FGF12: variants seen among roughly 807,000 people sequenced by gnomAD.
FGF12 encodes fibroblast growth factor 12B.
A neutral mutation model predicts 23.6 loss-of-function variants in FGF12; 14 were observed. That is an observed-to-expected ratio of 0.59 (90% CI 0.39 to 0.93). The LOEUF (loss-of-function observed/expected upper bound fraction) is 0.93, where lower values mean the gene tolerates loss of function less well. FGF12 is among the 40% of genes least tolerant of loss of function. The pLI is 0.00. For synonymous variants in FGF12, 62 were observed against 77.3 expected (o/e 0.80, Z 1.04); for missense variants, 175 against 217.8 (o/e 0.80, Z 1.24).
chr3:192,193,385 T>C (rs143885709), intron 4 of FGF12, among the ~76,000 whole-genome samples: 1 of 152,164 alleles, frequency 6.6e-6, no homozygotes, highest in South Asian at 2.1e-4. Context: ...ACTCCAACAC[T>C]GGACTGCACA....
At chr3:192,303,475 T>C (rs1577335385) in intron 4 of FGF12, among the ~76,000 whole-genome samples, 1 of 152,174 alleles carries the variant, frequency 6.6e-6, no homozygotes, top group Non-Finnish European at 1.5e-5. Context: ...TCCTTGCTGT[T>C]AAGTGCAATG....
chr3:192,628,670 A>C (rs1034797186), intron 2 of FGF12, among the ~76,000 whole-genome samples: 6 of 149,982 alleles, frequency 4.0e-5, no homozygotes, highest in Non-Finnish European at 8.9e-5. Context: ...AAATATATAC[A>C]TTAAAAAAGT....
chr3:192,398,406 G>C (rs1239048381), intron 2 of FGF12, among the ~76,000 whole-genome samples: 1 of 144,282 alleles, frequency 6.9e-6, no homozygotes, highest in Non-Finnish European at 1.5e-5. Flanking sequence ...TTTTTTCTGA[G>C]ACAGAGTCTT....
intron 5 of FGF12, among the ~76,000 whole-genome samples, chr3:192,166,612 T>A (rs749616394): frequency 6.6e-6 from 1 of 152,218 alleles, no homozygotes; most frequent in South Asian, 2.1e-4. Context: ...CTGTGTTTCA[T>A]TTTTCACATT....
intron 2 of FGF12, among the ~76,000 whole-genome samples, chr3:192,432,058 G>A (rs1415965486): frequency 6.6e-6 from 1 of 152,144 alleles, no homozygotes; most frequent in Admixed American, 6.6e-5. Context: ...GATCAGGTCT[G>A]CTTACCTGTG....
intron 4 of FGF12, among the ~76,000 whole-genome samples, chr3:192,232,428 T>C (rs1719069479): frequency 6.6e-6 from 1 of 152,182 alleles, no homozygotes; most frequent in South Asian, 2.1e-4. Flanking sequence ...ATGCACAATA[T>C]CAGGAAAGAG....
chr3:192,412,123 T>A (rs889010827), intron 2 of FGF12, among the ~76,000 whole-genome samples: 1 of 152,232 alleles, frequency 6.6e-6, no homozygotes, highest in Non-Finnish European at 1.5e-5. Context: ...GTTTAATGTA[T>A]GTTTGCAACA....
At chr3:192,474,809 C>T (rs1198803679) in intron 2 of FGF12, among the ~76,000 whole-genome samples, 2 of 149,892 alleles carry the variant, frequency 1.3e-5, no homozygotes, top group South Asian at 2.1e-4. Context: ...TGCTTGAACC[C>T]GGGAGGTAGA....
At chr3:192,630,215 C>T in intron 2 of FGF12, among the ~76,000 whole-genome samples, 1 of 152,130 alleles carries the variant, frequency 6.6e-6, no homozygotes, top group Admixed American at 6.5e-5. Context: ...TGTAAGTTTC[C>T]TGGGGCCTCC....
At position 192,345,424 on chromosome 3, in the gene FGF12, ACGCC is replaced by A. The variant is rs1297569305; in HGVS notation, c.125-9964_125-9961del. 1.6e-4 allele frequency among the ~76,000 whole-genome samples: 7 copies of A among 42,838 alleles called. 1 individual carries two copies. Among genetic ancestry groups the A allele is most frequent in the East Asian group, 7.8e-3 (1 of 128 alleles). The allele number at this position is 42,838 out of a possible 152,430, so 28.1% of individuals were successfully genotyped here. On this transcript the variant is annotated intron_variant, in intron 3 of 5. Coordinates refer to ENST00000445105, the MANE Select transcript of FGF12 (RefSeq NM_004113.6). Reference sequence around the variant, plus strand: ...TAACATAGGCCGGGCGCGGTGGCTCACGCCTGTAATCCCAGCACTTTGGGAGGCC... The same window carrying A: ...TAACATAGGCCGGGCGCGGTGGCTCATGTAATCCCAGCACTTTGGGAGGCC...
intron 2 of FGF12, among the ~76,000 whole-genome samples, chr3:192,511,723 GA>G (rs1257120496): frequency 6.6e-6 from 1 of 151,522 alleles, no homozygotes; most frequent in East Asian, 1.9e-4. Flanking sequence ...TTGAGAAATG[GA>G]AAAAAAAGAA....
At chr3:192,401,198 A>C (rs1383547128) in intron 2 of FGF12, among the ~76,000 whole-genome samples, 2 of 152,368 alleles carry the variant, frequency 1.3e-5, no homozygotes, top group East Asian at 3.9e-4. Flanking sequence ...AATCTTTTTA[A>C]TGTCTAGCTT....
chr3:192,662,323 T>G (rs1271349588), intron 2 of FGF12, among the ~76,000 whole-genome samples: 1 of 152,248 alleles, frequency 6.6e-6, no homozygotes, highest in Non-Finnish European at 1.5e-5. Context: ...TGTATTAGCT[T>G]ATTTCCACCA....
rs567389555 is a variant in FGF12, at chr3:192,362,376, A to C, written c.14-1838T>G. Among the ~76,000 whole-genome samples the C allele has an allele frequency of 1.6e-4, 24 of 152,180 alleles. No individual in the cohort carries two copies. In the East Asian group the frequency reaches 4.4e-3, roughly 28 times the overall value. On this transcript the variant is annotated intron_variant, in intron 2 of 5. Coordinates refer to ENST00000445105, the MANE Select transcript of FGF12 (RefSeq NM_004113.6). ...TACATTAGGTATTTCTCCTAATGCTATCCCTCCCCCACCCCTCCACCCCAC... is the reference window on the plus strand; with the variant it reads ...TACATTAGGTATTTCTCCTAATGCTCTCCCTCCCCCACCCCTCCACCCCAC...
chr3:192,493,896 G>C (rs28636751), intron 2 of FGF12, among the ~76,000 whole-genome samples: 40,988 of 151,930 alleles, frequency 0.27, 6,944 homozygotes, highest in Middle Eastern at 0.43. Context: ...TTTGGATGGG[G>C]ACACAGATCC....
intron 4 of FGF12, among the ~76,000 whole-genome samples, chr3:192,300,784 A>AG (rs1715305686): frequency 6.6e-6 from 1 of 152,074 alleles, no homozygotes; most frequent in Non-Finnish European, 1.5e-5. Context: ...TGGGAGGCCA[A>AG]GGGGGGCTGA....
intron 4 of FGF12, among the ~76,000 whole-genome samples, chr3:192,314,982 C>T (rs79111256): frequency 0.037 from 5,702 of 152,232 alleles, 341 homozygotes; most frequent in African/African-American, 0.13. Flanking sequence ...TCTGGATGAA[C>T]CAGGACATAG....
intron 2 of FGF12, among the ~76,000 whole-genome samples, chr3:192,691,582 A>C (rs973109774): frequency 6.6e-6 from 1 of 152,060 alleles, no homozygotes; most frequent in African/African-American, 2.4e-5. Flanking sequence ...TACATTAAAA[A>C]GAAGAAAGAC....
In FGF12 at chr3:192,157,299, A is replaced by C. The variant is rs556669154; in HGVS notation, c.427+13159T>G. 3.9e-5 allele frequency among the ~76,000 whole-genome samples: 6 copies of C among 152,332 alleles called. No individual in the cohort carries two copies. The East Asian group carries it at 9.6e-4, about 24-fold the overall frequency. ...CCTGCAGTTCTGGTAACACAAATAC[A>C]ATGCAACACTTGGTCAGAACAGGAC... On this transcript the variant is annotated intron_variant, in intron 5 of 5. Transcript: ENST00000445105.
Sources: gnomAD v4.1 joint callset for allele counts (sites outside exome capture counted in the v4.1 genomes callset) on GRCh38, gnomAD v4.1.1 for gene constraint, MANE v1.5 for transcripts, NCBI Gene and HGNC (gene_info 2026-07-23, HGNC 2026-07-21) for gene names.